Variants in USH2A observed in about 807,000 individuals in gnomAD.
USH2A encodes usherin.
Under a neutral mutation model 538.9 loss-of-function variants are expected in USH2A, and 443 were observed. The observed-to-expected ratio is 0.82, with a 90% CI of 0.76 to 0.89. The LOEUF (loss-of-function observed/expected upper bound fraction) is 0.89. USH2A is among the 40% of genes least tolerant of loss of function. The pLI is 0.00. For synonymous variants in USH2A, 2,413 were observed against 2,273.5 expected (o/e 1.06, Z -1.75); for missense variants, 6,633 against 6,324.8 (o/e 1.05, Z -1.65).
At chr1:216,231,805 G>T in intron 14 of USH2A, 148 bp downstream of exon 14, 1 of 883,332 alleles carries the variant, frequency 1.1e-6, no homozygotes, top group Non-Finnish European at 1.8e-6. Flanking sequence ...CGCCTGCCTT[G>T]GTCTCTCAAA....
At chr1:216,147,350 C>A (rs2033730130) in intron 21 of USH2A, among the ~76,000 whole-genome samples, 1 of 152,088 alleles carries the variant, frequency 6.6e-6, no homozygotes, top group African/African-American at 2.4e-5. Context: ...CGTGACTAGC[C>A]CTCCCCCACC....
In USH2A at chr1:215,817,141, T is replaced by C; in HGVS notation, c.9426A>G (p.Gly3142=). 1 of 1,612,804 alleles carries C rather than the reference T, an allele frequency of 6.2e-7. No homozygotes were observed. The change falls in exon 48 of 72, where the codon GGA becomes GGG. Residue 3142 remains glycine (G), a synonymous_variant. Coordinates refer to ENST00000307340, the MANE Select transcript of USH2A (RefSeq NM_206933.4). ...ACCATGTTTTCCATAGGAGATCATA[T>C]CCAAGAATGATGCCATTTGGCTTCC... ...SPRKPNGIIL[G]YDLLWKTWYP...
At chr1:216,036,386 T>C (rs1200371008) in intron 32 of USH2A, among the ~76,000 whole-genome samples, 1 of 152,150 alleles carries the variant, frequency 6.6e-6, no homozygotes, top group Non-Finnish European at 1.5e-5. Flanking sequence ...AGATAATCAC[T>C]ATTAGTATTT....
At chr1:216,391,454 A>T (rs2039105367) in intron 3 of USH2A, among the ~76,000 whole-genome samples, 1 of 152,182 alleles carries the variant, frequency 6.6e-6, no homozygotes, top group Admixed American at 6.5e-5. Context: ...AACCATTATT[A>T]ATCTTTAAAA....
intron 4 of USH2A, among the ~76,000 whole-genome samples, chr1:216,336,609 T>C (rs1023430102): frequency 2.2e-4 from 33 of 151,580 alleles, no homozygotes; most frequent in African/African-American, 7.2e-4. Flanking sequence ...ATGCTGATAA[T>C]AAAATCATAC....
chr1:216,226,688 T>A (rs2035568764), intron 14 of USH2A, among the ~76,000 whole-genome samples: 1 of 152,234 alleles, frequency 6.6e-6, no homozygotes, highest in Admixed American at 6.5e-5. Context: ...TTCGACTGGT[T>A]GCTTATTAAC....
intron 46 of USH2A, 145 bp downstream of exon 46, chr1:215,844,149 C>T (rs1218683712): frequency 8.3e-6 from 7 of 847,078 alleles, no homozygotes; most frequent in Admixed American, 4.3e-5. Context: ...AGATTTAATT[C>T]TGATCAATTT....
intron 14 of USH2A, among the ~76,000 whole-genome samples, chr1:216,225,064 G>A (rs931135996): frequency 1.3e-5 from 2 of 151,954 alleles, no homozygotes; most frequent in African/African-American, 4.8e-5. Flanking sequence ...GGACATAGCT[G>A]TTTTCCTATA....
chr1:216,377,847 GAAAGAAAGAAAGAAAGAAA>G (rs1558061803), intron 3 of USH2A, among the ~76,000 whole-genome samples: 4 of 132,502 alleles, frequency 3.0e-5, no homozygotes, highest in African/African-American at 8.3e-5. Flanking sequence ...AAGAAAGAAA[GAAAGAAAGAAAGAAAGAAA>G]GAAGGAAAGA....
intron 32 of USH2A, among the ~76,000 whole-genome samples, chr1:216,007,780 G>A (rs1473910990): frequency 6.6e-6 from 1 of 152,222 alleles, no homozygotes; most frequent in African/African-American, 2.4e-5. Context: ...TAAGGAACTA[G>A]GTAAGACCCC....
At chr1:216,351,893 A>G (rs567276380) in intron 4 of USH2A, among the ~76,000 whole-genome samples, 1 of 152,230 alleles carries the variant, frequency 6.6e-6, no homozygotes, top group East Asian at 1.9e-4. Flanking sequence ...ATGACTCCAA[A>G]TCTTTTTCTC....
At chr1:215,662,620 T>A (rs945809185) in intron 64 of USH2A, among the ~76,000 whole-genome samples, 1 of 152,262 alleles carries the variant, frequency 6.6e-6, no homozygotes, top group African/African-American at 2.4e-5. Flanking sequence ...AGTGGCGAAC[T>A]TTAGTTTTCT....
chr1:216,068,924 T>G (rs1017225898), intron 30 of USH2A, among the ~76,000 whole-genome samples: 3 of 152,150 alleles, frequency 2.0e-5, no homozygotes, highest in African/African-American at 7.2e-5. Flanking sequence ...ATAAATTGTT[T>G]TTTCTATGGT....
chr1:215,814,865 CAG>C (rs888652307), intron 48 of USH2A, among the ~76,000 whole-genome samples: 1 of 152,152 alleles, frequency 6.6e-6, no homozygotes, highest in East Asian at 1.9e-4. Context: ...CCTACTGAAT[CAG>C]AATCTCTGGG....
chr1:215,626,760 C>T (rs1656039523), intron 71 of USH2A, among the ~76,000 whole-genome samples: 1 of 152,146 alleles, frequency 6.6e-6, no homozygotes, highest in Admixed American at 6.5e-5. Context: ...TGTGTAATCT[C>T]TCATTAAATC....
intron 32 of USH2A, among the ~76,000 whole-genome samples, chr1:216,014,644 A>T (rs76386055): frequency 3.9e-5 from 6 of 152,334 alleles, no homozygotes; most frequent in Non-Finnish European, 8.8e-5. Context: ...TGATTGCATC[A>T]TTTGCATAAG....
chr1:215,774,864 T>C (rs577195798), intron 55 of USH2A, among the ~76,000 whole-genome samples: 1 of 152,200 alleles, frequency 6.6e-6, no homozygotes, highest in East Asian at 1.9e-4. Flanking sequence ...AATAGGCAGG[T>C]TTTAAAACAC....
chr1:215,956,307 C>T (rs1245107152), intron 37 of USH2A, among the ~76,000 whole-genome samples: 2 of 152,170 alleles, frequency 1.3e-5, no homozygotes, highest in Admixed American at 6.6e-5. Context: ...TCCAGTTGAA[C>T]TTTATCATGC....
At chr1:215,971,046 G>A (rs935095002) in intron 35 of USH2A, among the ~76,000 whole-genome samples, 5 of 152,092 alleles carry the variant, frequency 3.3e-5, no homozygotes, top group African/African-American at 1.2e-4. Context: ...CCTGTTAACT[G>A]TTGTCATGTG....
Sources: allele counts gnomAD v4.1 joint callset (sites outside exome capture counted in the v4.1 genomes callset), GRCh38; gene constraint gnomAD v4.1.1; transcripts MANE v1.5; gene names NCBI Gene and HGNC (gene_info 2026-07-23, HGNC 2026-07-21).